Variants in SDK1 observed in about 807,000 individuals in gnomAD.
SDK1 encodes the protein protein sidekick-1.
SDK1 carries 157 observed loss-of-function variants against 245.5 expected under a neutral mutation model. That is an observed-to-expected ratio of 0.64 (90% confidence interval 0.56 to 0.73). The LOEUF (loss-of-function observed/expected upper bound fraction) is 0.73. Among genes scored for constraint, SDK1 ranks in the 30% least tolerant of loss-of-function variants. The probability of loss-of-function intolerance (pLI) is 0.00; values close to 1 mark genes in which losing one functional copy is unlikely to be tolerated. For missense variants in SDK1, 3,583 were observed against 3,002.3 expected (o/e 1.19, Z -4.52); for synonymous variants, 1,647 against 1,278.5 (o/e 1.29, Z -6.15).
intron 1 of SDK1, among the ~76,000 whole-genome samples, chr7:3,310,009 A>T (rs1779512838): frequency 6.6e-6 from 1 of 152,196 alleles, no homozygotes; most frequent in Non-Finnish European, 1.5e-5. Context: ...GAATTTCTTT[A>T]CATTTGGCAA....
rs1318556965 is a variant in SDK1 at position 4,208,196 on chromosome 7, A to G, written c.5312A>G (p.His1771Arg). Residue 1771 changes from histidine (H) to arginine (R), a missense_variant, in exon 37 of 45, where the codon CAT (histidine) becomes CGT (arginine). Physicochemically the swap from His to Arg is conservative, Grantham distance 29 (BLOSUM62 0). Coordinates refer to ENST00000404826, the MANE Select transcript of SDK1 (RefSeq NM_152744.4). ...GTGAGGCTGAAGAACCTGACCAGCC[A>G]TACCAAGTACCTGGTCAGCATATCA... ...PVVRLKNLTS[H>R]TKYLVSISAF... 5 of 1,614,126 alleles carry G rather than the reference A, an allele frequency of 3.1e-6. No homozygotes were observed. The highest frequency in any genetic ancestry group is 1.7e-5 in the Admixed American group (1 of 60,018).
At chr7:3,358,281 C>CA (rs2128559989) in intron 1 of SDK1, among the ~76,000 whole-genome samples, 1 of 152,280 alleles carries the variant, frequency 6.6e-6, no homozygotes, top group Non-Finnish European at 1.5e-5. Context: ...CTCAGCCTCC[C>CA]AAAGTGCTGG....
At chr7:4,104,150 T>C (rs1782757923) in intron 22 of SDK1, among the ~76,000 whole-genome samples, 1 of 152,132 alleles carries the variant, frequency 6.6e-6, no homozygotes. Flanking sequence ...GCCTAGACCC[T>C]CAGAGCTCAA....
At chr7:3,826,677 C>G (rs908106156) in intron 5 of SDK1, among the ~76,000 whole-genome samples, 1 of 152,184 alleles carries the variant, frequency 6.6e-6, no homozygotes, top group South Asian at 2.1e-4. Context: ...GCATCCTGTC[C>G]ACTTCTCTGA....
intron 1 of SDK1, among the ~76,000 whole-genome samples, chr7:3,560,740 G>A (rs902653223): frequency 3.9e-5 from 6 of 152,100 alleles, no homozygotes; most frequent in Admixed American, 1.3e-4. Flanking sequence ...GCCTGGCAGA[G>A]CCCTCTCTGT....
chr7:3,458,829 T>C (rs537026570), intron 1 of SDK1, among the ~76,000 whole-genome samples: 3 of 152,184 alleles, frequency 2.0e-5, no homozygotes, highest in Non-Finnish European at 4.4e-5. Context: ...TTGGTCTGTT[T>C]TGTCTACCTA....
chr7:4,153,328 G>A (rs941028011), intron 30 of SDK1, among the ~76,000 whole-genome samples: 3 of 151,360 alleles, frequency 2.0e-5, no homozygotes, highest in Non-Finnish European at 4.4e-5. Context: ...GCTCATGCCT[G>A]TAATCCCAGC....
intron 20 of SDK1, among the ~76,000 whole-genome samples, chr7:4,070,986 C>T (rs1780222656): frequency 1.3e-5 from 2 of 151,106 alleles, no homozygotes; most frequent in African/African-American, 4.9e-5. Context: ...TGCTGTGCCT[C>T]TTATAAGCAT....
At position 3,865,003 on chromosome 7, in the gene SDK1, C is replaced by T. The variant is rs113272289; in HGVS notation, c.847+43420C>T. ...CACTGGTCTCTCAGGGGTGCTAACT[C>T]TGAGCACATTTCCTATACGTTTCTT... is the stretch of plus-strand genomic sequence containing the variant. On this transcript the variant is annotated intron_variant, in intron 5 of 44. Coordinates refer to ENST00000404826, the MANE Select transcript of SDK1 (RefSeq NM_152744.4). 1.3e-3 allele frequency among the ~76,000 whole-genome samples: 205 copies of T among 152,294 alleles called. 1 individual carries two copies. Among genetic ancestry groups the T allele is most frequent in the African/African-American group, 4.8e-3 (200 of 41,548 alleles).
At chr7:3,723,880 A>T (rs533951295) in intron 4 of SDK1, among the ~76,000 whole-genome samples, 22 of 127,394 alleles carry the variant, frequency 1.7e-4, no homozygotes, top group African/African-American at 7.2e-4. Context: ...ATACACGTAC[A>T]TATATATATA....
In SDK1 at chr7:3,320,280, AT is replaced by A. The variant is rs34831320; in HGVS notation, c.298+18403del. Among the ~76,000 whole-genome samples, 9 of 148,374 alleles carry A rather than the reference AT, an allele frequency of 6.1e-5. No individual in the cohort carries two copies. The South Asian group carries it at 8.5e-4, about 14-fold the overall frequency. ...TTTGCAGTTACAGCTTTTTTTTTCT[AT>A]TTTTTTCCCCCTATCTCTTGTAAGT... On this transcript the variant is annotated intron_variant, in intron 1 of 44. Transcript: ENST00000404826.
chr7:3,809,414 C>T (rs978818457), intron 4 of SDK1, among the ~76,000 whole-genome samples: 2 of 152,120 alleles, frequency 1.3e-5, no homozygotes, highest in East Asian at 1.9e-4. Flanking sequence ...AGATCCAGAC[C>T]GTATCCCTGA....
intron 4 of SDK1, among the ~76,000 whole-genome samples, chr7:3,724,687 A>G (rs2115033955): frequency 6.6e-6 from 1 of 152,334 alleles, no homozygotes; most frequent in South Asian, 2.1e-4. Context: ...GTCTTCCATG[A>G]GGTGATTCAG....
At chr7:3,917,294 T>C (rs1342610641) in intron 5 of SDK1, among the ~76,000 whole-genome samples, 1 of 152,220 alleles carries the variant, frequency 6.6e-6, no homozygotes, top group African/African-American at 2.4e-5. Flanking sequence ...TTAGCTAATA[T>C]TTATTGAACC....
intron 25 of SDK1, among the ~76,000 whole-genome samples, chr7:4,117,337 A>G (rs1265122420): frequency 3.9e-5 from 6 of 152,072 alleles, no homozygotes; most frequent in Non-Finnish European, 7.4e-5. Flanking sequence ...GTGTGGTGGC[A>G]TGCACCTGTA....
At chr7:4,123,757 T>C (rs1304106342) in intron 25 of SDK1, among the ~76,000 whole-genome samples, 1 of 152,228 alleles carries the variant, frequency 6.6e-6, no homozygotes, top group Non-Finnish European at 1.5e-5. Context: ...AGTGTTTTTA[T>C]AGTGACAGGC....
intron 40 of SDK1, 99 bp downstream of exon 40, chr7:4,221,463 TC>T: frequency 1.4e-6 from 2 of 1,429,482 alleles, no homozygotes. Context: ...TTCAGCATTT[TC>T]CCCCCACAAA....
chr7:3,827,882 T>C (rs750206202), intron 5 of SDK1, among the ~76,000 whole-genome samples: 10 of 152,244 alleles, frequency 6.6e-5, no homozygotes, highest in Non-Finnish European at 1.2e-4. Context: ...CCAAGCAGAA[T>C]TGGACTCGTT....
In SDK1 at chr7:3,729,947, G is replaced by A. The variant is rs114977328; in HGVS notation, c.713+87842G>A. Among the ~76,000 whole-genome samples the A allele has an allele frequency of 3.4e-3, 512 of 151,824 alleles. 4 individuals are homozygous for A. Among genetic ancestry groups the A allele is most frequent in the African/African-American group, 0.012 (480 of 41,362 alleles). On this transcript the variant is annotated intron_variant, in intron 4 of 44. Coordinates refer to ENST00000404826, the MANE Select transcript of SDK1 (RefSeq NM_152744.4). ...GGCTGTGGATTTAGTAACATATCTC[G>A]AGTAATTTTCATTTTGTTGAACATA...
Sources: gnomAD v4.1 joint callset for allele counts (sites outside exome capture counted in the v4.1 genomes callset) on GRCh38, gnomAD v4.1.1 for gene constraint, MANE v1.5 for transcripts, NCBI Gene and HGNC (gene_info 2026-07-23, HGNC 2026-07-21) for gene names.